Variants in VIPR2 observed in about 807,000 individuals in gnomAD.
VIPR2 encodes the protein vasoactive intestinal peptide receptor 2, also known as vasoactive intestinal polypeptide receptor 2.
A neutral mutation model predicts 58.0 loss-of-function variants in VIPR2; 48 were observed. The observed-to-expected ratio is 0.83, with a 90% CI of 0.66 to 1.05. VIPR2 has a LOEUF of 1.05. Among genes scored for constraint, VIPR2 ranks in the 50% least tolerant of loss-of-function variants. VIPR2 has a pLI of 0.00. For synonymous variants in VIPR2, 243 were observed against 235.2 expected (o/e 1.03, Z -0.30); for missense variants, 534 against 558.0 (o/e 0.96, Z 0.43).
intron 2 of VIPR2, chr7:159,117,035 T>C: frequency 2.4e-6 from 1 of 416,434 alleles, no homozygotes; most frequent in African/African-American, 2.0e-5. Context: ...GGAAATGACT[T>C]TTACATATAC....
chr7:159,062,520 CCT>C (rs1348583051), intron 4 of VIPR2, among the ~76,000 whole-genome samples: 5 of 152,028 alleles, frequency 3.3e-5, no homozygotes, highest in Non-Finnish European at 7.4e-5. Flanking sequence ...TAAGGCGGCC[CCT>C]CTCTGGAGTT....
chr7:159,094,266 C>A (rs79725155), intron 4 of VIPR2, among the ~76,000 whole-genome samples: 1 of 152,124 alleles, frequency 6.6e-6, no homozygotes, highest in Non-Finnish European at 1.5e-5. Context: ...CTGATGAGCA[C>A]GTGGAATCTT....
chr7:159,130,562 C>A (rs562975609), intron 2 of VIPR2, among the ~76,000 whole-genome samples: 1 of 152,070 alleles, frequency 6.6e-6, no homozygotes, highest in Admixed American at 6.6e-5. Flanking sequence ...ATTTCCCACA[C>A]CCCTGTGACG....
rs1385972608 is a variant in VIPR2 at position 159,031,248 on chromosome 7, T to A, written c.1144-459A>T. On this transcript the variant is annotated intron_variant, in intron 12 of 12. Coordinates refer to ENST00000262178, the MANE Select transcript of VIPR2 (RefSeq NM_003382.5). This position sits in a 1 kb window ranked among gnomAD's most constrained non-coding sequence, Gnocchi z 4.0. ...GGAGGACAAGTGGCACTACTCGGGC[T>A]CAGCTTTGCAGAAGCCGTGCTGGTG... Among the ~76,000 whole-genome samples the A allele has an allele frequency of 6.6e-6, 1 of 151,552 alleles. No individual in the cohort carries two copies. Among genetic ancestry groups the A allele is most frequent in the Non-Finnish European group, 1.5e-5 (1 of 67,914 alleles).
chr7:159,040,487 G>A (rs1445578341), intron 6 of VIPR2, among the ~76,000 whole-genome samples: 1 of 152,374 alleles, frequency 6.6e-6, no homozygotes, highest in East Asian at 1.9e-4. Context: ...AGAATAAAGG[G>A]CAGGTTTGCT....
intron 4 of VIPR2, among the ~76,000 whole-genome samples, chr7:159,071,444 G>C (rs1453980611): frequency 6.6e-6 from 1 of 152,216 alleles, no homozygotes; most frequent in Non-Finnish European, 1.5e-5. Context: ...TTGGCTCTGA[G>C]CATCTCCCTG....
intron 1 of VIPR2, among the ~76,000 whole-genome samples, chr7:159,143,803 AAGC>A (rs1162987330): frequency 6.6e-6 from 1 of 152,284 alleles, no homozygotes; most frequent in Non-Finnish European, 1.5e-5. Flanking sequence ...TTAGCAATGA[AAGC>A]AGCATTAACC....
intron 4 of VIPR2, among the ~76,000 whole-genome samples, chr7:159,063,859 GT>G (rs1855900423): frequency 1.1e-5 from 1 of 94,486 alleles, no homozygotes; most frequent in Non-Finnish European, 2.2e-5. Flanking sequence ...GGCCTGGTGG[GT>G]TCCGGGGGTC....
Position 159,098,753 on chromosome 7 carries a change from C to T in VIPR2, c.357+5004G>A, listed in dbSNP as rs1209029303. The stretch of plus-strand genomic sequence containing the variant: ...GCTTCTGTGGAGGCTAATTTTTTTT[C>T]TCGAATTTAATTAATTTCGAAAACA... On this transcript the variant is annotated intron_variant, in intron 4 of 12. Transcript: ENST00000262178. The surrounding 1 kb of genome is among the most constrained non-coding windows in gnomAD (Gnocchi z 5.2). Among the ~76,000 whole-genome samples, 2 of 152,182 alleles carry T rather than the reference C, an allele frequency of 1.3e-5. No homozygotes were observed. The highest frequency in any genetic ancestry group is 4.8e-5 in the African/African-American group (2 of 41,448).
chr7:159,076,557 G>A (rs1563301402), intron 4 of VIPR2, among the ~76,000 whole-genome samples: 1 of 152,180 alleles, frequency 6.6e-6, no homozygotes, highest in Admixed American at 6.5e-5. Context: ...CCAGACACAT[G>A]ACTGAAATTT....
chr7:159,129,310 C>T (rs1488459121), intron 2 of VIPR2, among the ~76,000 whole-genome samples: 1 of 130,110 alleles, frequency 7.7e-6, no homozygotes, highest in Non-Finnish European at 1.6e-5. Context: ...ACCAGCTTCA[C>T]ACTCTGTTCC....
intron 1 of VIPR2, 24 bp downstream of exon 1, chr7:159,144,697 G>A (rs1245789752): frequency 7.5e-7 from 1 of 1,331,814 alleles, no homozygotes; most frequent in Non-Finnish European, 9.6e-7. Context: ...GGCGCCGTGG[G>A]GCGGGGGTCG....
At chr7:159,111,142 G>A (rs972141263) in intron 2 of VIPR2, among the ~76,000 whole-genome samples, 2 of 152,274 alleles carry the variant, frequency 1.3e-5, no homozygotes, top group Admixed American at 6.5e-5. Flanking sequence ...TGCTAAGTTC[G>A]TAAACCAAGC....
intron 5 of VIPR2, among the ~76,000 whole-genome samples, chr7:159,044,355 T>C (rs577522579): frequency 5.4e-4 from 82 of 151,986 alleles, no homozygotes; most frequent in South Asian, 8.3e-4. Context: ...ATCCTAGAAG[T>C]GGGAGACTGT....
chr7:159,143,838 C>T (rs1468772983), intron 1 of VIPR2, among the ~76,000 whole-genome samples: 2 of 152,262 alleles, frequency 1.3e-5, no homozygotes, highest in Non-Finnish European at 2.9e-5. Flanking sequence ...CGTTACTTTC[C>T]AAGGACCCGC....
chr7:159,105,695 G>A (rs1465623656), intron 3 of VIPR2, among the ~76,000 whole-genome samples: 27 of 152,110 alleles, frequency 1.8e-4, no homozygotes, highest in Non-Finnish European at 8.8e-5. Context: ...CAGGGTCTGG[G>A]GGCCTCTTAG....
chr7:159,040,511 C>CA (rs1161056694), intron 6 of VIPR2, among the ~76,000 whole-genome samples: 2 of 152,228 alleles, frequency 1.3e-5, no homozygotes, highest in Non-Finnish European at 2.9e-5. Flanking sequence ...TGTCCCGGGA[C>CA]AGCCCAGGGC....
At chr7:159,102,648 CAA>C (rs980721645) in intron 4 of VIPR2, among the ~76,000 whole-genome samples, 2 of 152,196 alleles carry the variant, frequency 1.3e-5, no homozygotes, top group African/African-American at 4.8e-5. Context: ...CTCATTCTCC[CAA>C]GAGGCAGCCA....
At chr7:159,074,043 TA>T (rs1234077770) in intron 4 of VIPR2, among the ~76,000 whole-genome samples, 1 of 151,876 alleles carries the variant, frequency 6.6e-6, no homozygotes, top group African/African-American at 2.4e-5. Context: ...TTTTAATCAA[TA>T]AAATAAAACA....
Sources: gnomAD v4.1 joint callset for allele counts (sites outside exome capture counted in the v4.1 genomes callset) on GRCh38, gnomAD v4.1.1 for gene constraint, Gnocchi (gnomAD v3.1) non-coding constraint, MANE v1.5 for transcripts, NCBI Gene and HGNC (gene_info 2026-07-23, HGNC 2026-07-21) for gene names.